Variants in ALOX15B observed in about 807,000 individuals in gnomAD.
ALOX15B encodes polyunsaturated fatty acid lipoxygenase ALOX15B.
A neutral mutation model predicts 73.8 loss-of-function variants in ALOX15B; 74 were observed. The observed-to-expected ratio is 1.00, with a 90% CI of 0.83 to 1.22. The LOEUF is 1.22. Among genes scored for constraint, ALOX15B ranks in the 50% most tolerant of loss-of-function variants. The pLI, the probability that ALOX15B is intolerant of heterozygous loss-of-function variation, is 0.00. For synonymous variants in ALOX15B, 353 were observed against 357.2 expected, an observed-to-expected ratio of 0.99 and a Z score of 0.13; for missense variants, 896 against 859.9, an observed-to-expected ratio of 1.04 and a Z score of -0.52.
chr17:8,046,838 T>TC (rs1167536088), intron 9 of ALOX15B, 69 bp from the exon 10 acceptor site: 1 of 1,611,248 alleles, frequency 6.2e-7, no homozygotes. Context: ...GTGGCCCATC[T>TC]CCCCGACACC....
In ALOX15B at chr17:8,047,527, C is replaced by A. The variant is rs773118100; in HGVS notation, c.1580-37C>A. On this transcript the variant is annotated intron_variant, in intron 11 of 13. Coordinates refer to ENST00000380183, the MANE Select transcript of ALOX15B (RefSeq NM_001141.3). ...AGCCTCCGCAGCAGGGTCCTCAGGT[C>A]CCTGGAAGCCCCATCCCAGCCCAGC... 6 of 1,573,650 alleles carry A rather than the reference C, an allele frequency of 3.8e-6. No homozygotes were observed. The East Asian group carries it at 1.4e-4, about 36-fold the overall frequency.
At chr17:8,039,776 G>A (rs1976384707) in intron 2 of ALOX15B, 126 bp from the exon 3 acceptor site, 3 of 1,206,498 alleles carry the variant, frequency 2.5e-6, no homozygotes, top group Non-Finnish European at 3.5e-6. Context: ...GCAGCCTGGT[G>A]TAGGAGAAAC....
In ALOX15B at chr17:8,048,528, T is replaced by A. The variant is rs1486155026; in HGVS notation, c.1994T>A (p.Leu665Gln). Reference protein sequence around the residue: ...NQGLVLPYTYLDPPLIENSVS... With the variant: ...NQGLVLPYTYQDPPLIENSVS... ...GGCCTGGTGCTGCCCTACACCTACC[T>A]AGACCCTCCCCTCATCGAGAACAGC... The change falls in exon 14 of 14, where the codon CTA becomes CAA. Residue 665 changes from leucine to glutamine, a missense_variant. Leu to Gln is a moderately radical substitution (Grantham distance 113). Transcript: ENST00000380183. The A allele has an allele frequency of 1.2e-6, 2 of 1,613,998 alleles. No individual in the cohort carries two copies. Among genetic ancestry groups the A allele is most frequent in the Non-Finnish European group, 1.7e-6 (2 of 1,179,940 alleles).
At chr17:8,044,697 T>A in intron 5 of ALOX15B, 132 bp from the exon 6 acceptor site, 1 of 742,050 alleles carries the variant, frequency 1.3e-6, no homozygotes. Context: ...GCAGGGGAGG[T>A]AACTCTGAGG....
intron 5 of ALOX15B, 143 bp downstream of exon 5, chr17:8,043,027 C>A: frequency 1.5e-6 from 1 of 660,794 alleles, no homozygotes. Context: ...CCCACAGAGA[C>A]AAAAGAGAAT....
chr17:8,042,453 A>G lies in ALOX15B; in HGVS notation c.534A>G (p.Thr178=). Residue 178 remains threonine, a synonymous_variant, in exon 4 of 14, where the codon ACA becomes ACG. Transcript: ENST00000380183. ...EDLELNIKYS[T]AKNANFYLQA... ...TGGAGCTCAATATCAAATACTCCACAGCCAAGAATGCCAACTTTTATCTAC... is the reference window on the plus strand; with the variant it reads ...TGGAGCTCAATATCAAATACTCCACGGCCAAGAATGCCAACTTTTATCTAC... The G allele has an allele frequency of 6.2e-7, 1 of 1,614,036 alleles. No individual in the cohort carries two copies.
Position 8,039,372 on chromosome 17 carries a change from T to C in ALOX15B, c.148-14T>C, listed in dbSNP as rs368652352. 1.0e-4 allele frequency: 168 copies of C among 1,609,722 alleles called. No homozygotes were observed. The highest frequency in any genetic ancestry group is 1.4e-4 in the Non-Finnish European group (160 of 1,177,440). The stretch of plus-strand genomic sequence containing the variant: ...AGGAGGGTCCGGCCTGACGCATACT[T>C]AACCTCCCCTCAGGAGGAGGACTTC... On this transcript the variant is annotated splice_polypyrimidine_tract_variant and intron_variant, in intron 1 of 13. Coordinates refer to ENST00000380183, the MANE Select transcript of ALOX15B (RefSeq NM_001141.3).
chr17:8,041,801 T>C (rs1376605568), intron 3 of ALOX15B, among the ~76,000 whole-genome samples: 1 of 152,206 alleles, frequency 6.6e-6, no homozygotes, highest in African/African-American at 2.4e-5. Flanking sequence ...AGTGCCTCTC[T>C]ATGGGACACC....
Position 8,039,393 on chromosome 17 carries a change from A to G in ALOX15B, c.155A>G (p.Asp52Gly). ...GKEFTAGAEE[D>G]FQVTLPEDVG... ...TACTTAACCTCCCCTCAGGAGGAGG[A>G]CTTCCAGGTGACGCTCCCGGAGGAC... Residue 52 changes from aspartate (D) to glycine (G), a missense_variant, in exon 2 of 14, where the codon GAC becomes GGC. Transcript: ENST00000380183. 1 of 1,612,700 alleles carries G rather than the reference A, an allele frequency of 6.2e-7. No homozygotes were observed. The highest frequency in any genetic ancestry group is 8.5e-7 in the Non-Finnish European group (1 of 1,179,352).
Position 8,039,614 on chromosome 17 carries a change from C to T in ALOX15B, c.367+9C>T, listed in dbSNP as rs751694404. ...GCTGCAGGAGGGTACAGGTGAGGGG[C>T]GGGCCGGGCTGGGGCTGCAGGGGGA... On this transcript the variant is annotated intron_variant, in intron 2 of 13. Coordinates refer to ENST00000380183, the MANE Select transcript of ALOX15B (RefSeq NM_001141.3). 71 of 466,008 alleles carry T rather than the reference C, an allele frequency of 1.5e-4. No homozygotes were observed. In the African/African-American group the frequency reaches 2.1e-3, roughly 14 times the overall value. The allele number at this position is 466,008 out of a possible 1,614,324, so 28.9% of individuals were successfully genotyped here.
Position 8,048,012 on chromosome 17 carries a change from G to A in ALOX15B, c.1851+97G>A. The A allele has an allele frequency of 2.1e-6, 3 of 1,417,854 alleles. No individual in the cohort carries two copies. The Admixed American group carries it at 6.5e-5, about 31-fold the overall frequency. 87.8% of individuals were successfully genotyped at this position (1,417,854 alleles called of 1,614,324 possible). On this transcript the variant is annotated intron_variant, in intron 13 of 13. Coordinates refer to ENST00000380183, the MANE Select transcript of ALOX15B (RefSeq NM_001141.3). ...CCAGACCCAACCCTGCCATCAGGTA[G>A]CGGGTCCCTTTGCCCCACTGACCCT...
chr17:8,045,078 G>A (rs745774269), intron 6 of ALOX15B, 77 bp downstream of exon 6: 9 of 1,593,326 alleles, frequency 5.6e-6, no homozygotes, highest in Non-Finnish European at 7.7e-6. Flanking sequence ...GGAGACAGAG[G>A]GGCACACTCA....
intron 4 of ALOX15B, 29 bp from the exon 5 acceptor site, chr17:8,042,752 C>G: frequency 1.3e-6 from 2 of 1,537,526 alleles, no homozygotes; most frequent in Non-Finnish European, 1.8e-6. Flanking sequence ...GCCTCCTCCC[C>G]ACTCCCCACC....
chr17:8,047,843 C>G lies in ALOX15B; in HGVS notation c.1779C>G (p.Thr593=), dbSNP rs762065277. ...CAACATGCGAGGGCTTCATAGCCACCCTCCCACCTGTCAATGCCACATGTG... is the reference window on the plus strand; with the variant it reads ...CAACATGCGAGGGCTTCATAGCCACGCTCCCACCTGTCAATGCCACATGTG... ...GLATCEGFIA[T]LPPVNATCDV... is the part of the protein sequence containing the mutation. Residue 593 remains threonine (T), a synonymous_variant, in exon 13 of 14, where the codon ACC becomes ACG. Coordinates refer to ENST00000380183, the MANE Select transcript of ALOX15B (RefSeq NM_001141.3). 7 of 1,614,068 alleles carry G rather than the reference C, an allele frequency of 4.3e-6. No individual in the cohort carries two copies. The highest frequency in any genetic ancestry group is 5.9e-6 in the Non-Finnish European group (7 of 1,180,042).
intron 3 of ALOX15B, 53 bp downstream of exon 3, chr17:8,040,036 C>T: frequency 1.3e-6 from 2 of 1,538,218 alleles, no homozygotes; most frequent in Non-Finnish European, 1.8e-6. Flanking sequence ...TGAGGGGCAG[C>T]TTGAGTGTCC....
rs754748529 is a variant in ALOX15B at position 8,039,419 on chromosome 17, G to A, written c.181G>A (p.Val61Ile). 17 of 1,612,878 alleles carry A rather than the reference G, an allele frequency of 1.1e-5. No individual in the cohort carries two copies. The highest frequency in any genetic ancestry group is 3.3e-4 in the Middle Eastern group (2 of 6,054). The change falls in exon 2 of 14, where the codon GTA (valine) becomes ATA (isoleucine). Residue 61 changes from valine (V) to isoleucine (I), a missense_variant. Physicochemically the swap from Val to Ile is conservative, Grantham distance 29. Transcript: ENST00000380183. ...EDFQVTLPED[V>I]GRVLLLRVHK... ...CTTCCAGGTGACGCTCCCGGAGGACGTAGGCCGAGTGCTGCTGCTGCGCGT... is the reference window on the plus strand; with the variant it reads ...CTTCCAGGTGACGCTCCCGGAGGACATAGGCCGAGTGCTGCTGCTGCGCGT...
intron 7 of ALOX15B, 40 bp downstream of exon 7, chr17:8,045,424 T>G (rs1598165140): frequency 6.2e-7 from 1 of 1,612,910 alleles, no homozygotes. Flanking sequence ...TGAAGAAGAG[T>G]CAGGAGAATG....
chr17:8,048,445 C>T lies in ALOX15B; in HGVS notation c.1911C>T (p.Ile637=), dbSNP rs764042411. Residue 637 remains isoleucine, a synonymous_variant, in exon 14 of 14, where the codon ATC becomes ATT. Transcript: ENST00000380183. The part of the protein sequence containing the change: ...HFTEEAPRRS[I]ATFQSRLAQI... Reference sequence around the variant, plus strand: ...CAGAGGAGGCCCCTCGGCGGAGCATCGCCACCTTCCAGAGCCGCCTGGCCC... The same window carrying T: ...CAGAGGAGGCCCCTCGGCGGAGCATTGCCACCTTCCAGAGCCGCCTGGCCC... 9.9e-6 allele frequency: 16 copies of T among 1,614,004 alleles called. No individual in the cohort carries two copies. Among genetic ancestry groups the T allele is most frequent in the African/African-American group, 5.3e-5 (4 of 74,934 alleles).
Position 8,042,761 on chromosome 17 carries a change from C to T in ALOX15B, c.573-20C>T. 1 of 1,545,158 alleles carries T rather than the reference C, an allele frequency of 6.5e-7. No homozygotes were observed. Reference sequence around the variant, plus strand: ...CCCAGGGCCTCCTCCCCACTCCCCACCCCTCACATCCCCTGGCAGTTTTGC... The same window carrying T: ...CCCAGGGCCTCCTCCCCACTCCCCATCCCTCACATCCCCTGGCAGTTTTGC... On this transcript the variant is annotated intron_variant, in intron 4 of 13. Coordinates refer to ENST00000380183, the MANE Select transcript of ALOX15B (RefSeq NM_001141.3).
Sources: allele counts gnomAD v4.1 joint callset (sites outside exome capture counted in the v4.1 genomes callset), GRCh38; gene constraint gnomAD v4.1.1; transcripts MANE v1.5; gene names NCBI Gene and HGNC (gene_info 2026-07-23, HGNC 2026-07-21).